ANKRD40CL: variants seen among roughly 807,000 people sequenced by gnomAD.
ANKRD40CL encodes the protein putative ANKRD40 C-terminal-like protein.
For missense variants in ANKRD40CL, 11 were observed against 6.4 expected (o/e 1.71, Z -0.77); for synonymous variants, 5 against 2.3 (o/e 2.14, Z -1.04).
chr17:50,762,335 C>T (rs1269821635), intron 3 of ANKRD40CL, among the ~76,000 whole-genome samples: 3 of 152,130 alleles, frequency 2.0e-5, no homozygotes, highest in African/African-American at 7.2e-5. Context: ...AACAGCAGCT[C>T]ACCACCTGTT....
chr17:50,766,153 A>T (rs769575465), intron 2 of ANKRD40CL, among the ~76,000 whole-genome samples: 2 of 152,016 alleles, frequency 1.3e-5, no homozygotes, highest in Non-Finnish European at 2.9e-5. Context: ...CCCCTCCCCT[A>T]GTGAGCGGGG....
In ANKRD40CL at chr17:50,763,865, C is replaced by T. The variant is rs182980320; in HGVS notation, c.41-308G>A. 3.1e-4 allele frequency: 114 copies of T among 371,472 alleles called. 1 individual carries two copies. The highest frequency in any genetic ancestry group is 2.1e-3 in the African/African-American group (100 of 48,318). 23.0% of individuals were successfully genotyped at this position (371,472 alleles called of 1,614,324 possible). A position where few individuals can be genotyped will look rare whatever the true frequency, so the allele number is the denominator to read the frequency against. The stretch of plus-strand genomic sequence containing the variant: ...GATATTTAAACACATCACCCTTGGG[C>T]AATACATAGCAGGTGCTCATACCTT... On this transcript the variant is annotated intron_variant, in intron 2 of 3. Transcript: ENST00000450727.
At chr17:50,764,011 C>T in intron 2 of ANKRD40CL, 1 of 395,866 alleles carries the variant, frequency 2.5e-6, no homozygotes, top group Non-Finnish European at 4.4e-6. Context: ...CCCCACTCCT[C>T]CAGAAATAGG....
At chr17:50,765,135 C>T (rs187910489) in intron 2 of ANKRD40CL, 38 of 152,204 alleles carry the variant, frequency 2.5e-4, no homozygotes, top group African/African-American at 9.2e-4. Flanking sequence ...ATAAGATACA[C>T]GATAAGGTAA....
In ANKRD40CL at chr17:50,767,458, C is replaced by T. The variant is rs142413576; in HGVS notation, c.-99+5G>A. On this transcript the variant is annotated splice_donor_5th_base_variant and intron_variant, in intron 1 of 3. Transcript: ENST00000450727. ...CAAGAAAGAAGCAGAAAGACCCCTC[C>T]ATACCTGGGAAAATGACCTTGGTGA... 1.3e-4 allele frequency: 36 copies of T among 272,778 alleles called. No homozygotes were observed. Among genetic ancestry groups the T allele is most frequent in the African/African-American group, 7.7e-4 (35 of 45,180 alleles). 16.9% of individuals were successfully genotyped at this position (272,778 alleles called of 1,614,324 possible).
chr17:50,761,210 T>G lies in ANKRD40CL; in HGVS notation c.*153A>C. 6 of 353,056 alleles carry G rather than the reference T, an allele frequency of 1.7e-5. No homozygotes were observed. The highest frequency in any genetic ancestry group is 5.0e-6 in the Non-Finnish European group (1 of 198,130). The allele number at this position is 353,056 out of a possible 1,614,324, so 21.9% of individuals were successfully genotyped here. ...GGTGTGCGCCACCACACCTAGCTAA[T>G]TTTTGTATTTTTTTTAGTAGAGACT... On this transcript the variant is annotated 3_prime_UTR_variant, in exon 4 of 4. Transcript: ENST00000450727.
chr17:50,763,453 TC>T lies in ANKRD40CL; in HGVS notation c.144del (p.Ile49LeufsTer36). Reference protein sequence around the residue: ...NLLNVSCCELGIKPERVEKIR... With the variant: ...NLLNVSCCELXIKPERVEKIR... ...ATCTTCTCCACTCGTTCTGGTTTAA[TC>T]CCCAGTTCACAGCAACTCACGTTTA... On this transcript the variant is annotated frameshift_variant, in exon 3 of 4. Transcript: ENST00000450727. LOFTEE classifies it high-confidence loss of function. The T allele has an allele frequency of 2.5e-6, 1 of 399,096 alleles. No homozygotes were observed. The highest frequency in any genetic ancestry group is 3.6e-5 in the East Asian group (1 of 28,082). 24.7% of individuals were successfully genotyped at this position (399,096 alleles called of 1,614,324 possible).
In ANKRD40CL at chr17:50,761,154, C is replaced by T. The variant is rs1971194564; in HGVS notation, c.*209G>A. 3.6e-6 allele frequency: 1 copy of T among 280,878 alleles called. No homozygotes were observed. The highest frequency in any genetic ancestry group is 6.5e-6 in the Non-Finnish European group (1 of 153,294). 17.4% of individuals were successfully genotyped at this position (280,878 alleles called of 1,614,324 possible). On this transcript the variant is annotated 3_prime_UTR_variant, in exon 4 of 4. Transcript: ENST00000450727. ...TCCTGGGTTCAGGTGATTCTCCTGC[C>T]TCAGCTTCCCATGTAGCTGGGACTA... is the stretch of plus-strand genomic sequence containing the variant.
rs545227574 is a variant in ANKRD40CL at position 50,766,076 on chromosome 17, C to T, written c.40+798G>A. On this transcript the variant is annotated intron_variant, in intron 2 of 3. Coordinates refer to ENST00000450727, the MANE Select transcript of ANKRD40CL (RefSeq NM_001358683.3). ...AGTCAGCCCTGTTTGTGCCACCCTG[C>T]CAGATGCCTCCAAGGAGATGAGACG... Among the ~76,000 whole-genome samples the T allele has an allele frequency of 2.0e-5, 3 of 152,322 alleles. No homozygotes were observed. In the East Asian group the frequency reaches 5.8e-4, roughly 29 times the overall value.
chr17:50,767,373 A>T (rs1567890788), intron 1 of ANKRD40CL, 90 bp downstream of exon 1: 2 of 337,454 alleles, frequency 5.9e-6, no homozygotes, highest in Non-Finnish European at 1.2e-5. Flanking sequence ...GTTTGAATGG[A>T]CTCCTCCTCC....
chr17:50,763,359 C>A, intron 3 of ANKRD40CL, 38 bp downstream of exon 3: 2 of 398,990 alleles, frequency 5.0e-6, no homozygotes, highest in Non-Finnish European at 8.8e-6. Flanking sequence ...ATGATGTCAC[C>A]CACTGTGATT....
chr17:50,766,672 T>A, intron 2 of ANKRD40CL: 1 of 484,562 alleles, frequency 2.1e-6, no homozygotes, highest in Non-Finnish European at 3.6e-6. Flanking sequence ...TGGCTGCTAT[T>A]ATTATTTATT....
intron 3 of ANKRD40CL, among the ~76,000 whole-genome samples, chr17:50,761,915 G>A (rs990290533): frequency 1.3e-5 from 2 of 149,164 alleles, no homozygotes; most frequent in Non-Finnish European, 3.0e-5. Flanking sequence ...GAGCCACTGC[G>A]CCCGGTCCCC....
intron 2 of ANKRD40CL, chr17:50,765,159 T>G (rs1971276264): frequency 6.6e-6 from 1 of 152,214 alleles, no homozygotes; most frequent in Non-Finnish European, 1.5e-5. Flanking sequence ...ATACCCTGGA[T>G]TTTGGAGGCA....
intron 2 of ANKRD40CL, chr17:50,763,835 C>A (rs1971249369): frequency 2.7e-6 from 1 of 371,476 alleles, no homozygotes; most frequent in South Asian, 1.5e-4. Context: ...TTAAAATATG[C>A]AATGGATATT....
At chr17:50,762,508 C>T (rs949149372) in intron 3 of ANKRD40CL, among the ~76,000 whole-genome samples, 4 of 151,908 alleles carry the variant, frequency 2.6e-5, no homozygotes, top group South Asian at 2.1e-4. Context: ...CTGAGGATTT[C>T]GAGGCTGCAG....
chr17:50,767,326 C>T, intron 1 of ANKRD40CL, 137 bp downstream of exon 1: 1 of 379,916 alleles, frequency 2.6e-6, no homozygotes. Flanking sequence ...GTAGCTTCTA[C>T]ACCAGGGGTA....
In ANKRD40CL at chr17:50,766,763, C is replaced by T. The variant is rs572294963; in HGVS notation, c.40+111G>A. 7.8e-4 allele frequency: 454 copies of T among 580,486 alleles called. 3 individuals are homozygous for T. Among genetic ancestry groups the T allele is most frequent in the Middle Eastern group, 4.5e-3 (10 of 2,210 alleles). The allele number at this position is 580,486 out of a possible 1,614,324, so 36.0% of individuals were successfully genotyped here. A position where few individuals can be genotyped will look rare whatever the true frequency, so the allele number is the denominator to read the frequency against. ...CTTCACTACCCCACTGGCAGAGTGG[C>T]GGAGGCCACAGGGCACTGCTGGCCA... On this transcript the variant is annotated intron_variant, in intron 2 of 3. Transcript: ENST00000450727.
chr17:50,767,086 A>G, intron 1 of ANKRD40CL, 75 bp from the exon 2 acceptor site: 1 of 696,222 alleles, frequency 1.4e-6, no homozygotes, highest in Non-Finnish European at 2.6e-6. Context: ...ATAGATAGGG[A>G]AAAGGAGGCT....
Sources: allele counts gnomAD v4.1 joint callset (sites outside exome capture counted in the v4.1 genomes callset), GRCh38; gene constraint gnomAD v4.1.1; transcripts MANE v1.5; gene names NCBI Gene and HGNC (gene_info 2026-07-23, HGNC 2026-07-21).